TIGAR: variants seen among roughly 807,000 people sequenced by gnomAD.
TIGAR encodes the protein TP53 induced glycolysis regulatory phosphatase.
In TIGAR, 7 loss-of-function variants were observed where a neutral mutation model predicts 17.9. The ratio of observed to expected loss-of-function variants is 0.39; its 90% CI spans 0.22 to 0.73. TIGAR has a LOEUF of 0.73. Among genes scored for constraint, TIGAR ranks in the 30% least tolerant of loss-of-function variants. The pLI, the probability that TIGAR is intolerant of heterozygous loss-of-function variation, is 0.42. For missense variants in TIGAR, 258 were observed against 327.4 expected (o/e 0.79, Z 1.64); for synonymous variants, 94 against 108.6 (o/e 0.87, Z 0.84).
At chr12:4,330,122 G>A (rs1864588730) in intron 1 of TIGAR, among the ~76,000 whole-genome samples, 1 of 152,116 alleles carries the variant, frequency 6.6e-6, no homozygotes, top group African/African-American at 2.4e-5. Context: ...CCAGGATGAG[G>A]CCTGAGTTTG....
chr12:4,323,674 AC>A (rs1372989937), intron 1 of TIGAR, among the ~76,000 whole-genome samples: 1 of 152,082 alleles, frequency 6.6e-6, no homozygotes, highest in Non-Finnish European at 1.5e-5. Context: ...ATTTGTTAAA[AC>A]CCGGTATTTG....
At chr12:4,326,857 GT>G (rs556951953) in intron 1 of TIGAR, among the ~76,000 whole-genome samples, 1 of 152,194 alleles carries the variant, frequency 6.6e-6, no homozygotes, top group East Asian at 1.9e-4. Flanking sequence ...TAAATTCTGA[GT>G]TTTTTTGGTG....
At chr12:4,325,023 A>G (rs1027882519) in intron 1 of TIGAR, among the ~76,000 whole-genome samples, 7 of 149,470 alleles carry the variant, frequency 4.7e-5, no homozygotes, top group African/African-American at 1.7e-4. Flanking sequence ...GCTCGCCACA[A>G]CCTCCGCCTC....
rs1864904975 is a variant in TIGAR at position 4,356,577 on chromosome 12, G to T, written c.*3886G>T. On this transcript the variant is annotated 3_prime_UTR_variant, in exon 6 of 6. Coordinates refer to ENST00000179259, the MANE Select transcript of TIGAR (RefSeq NM_020375.3). ...ACCATCGGTGAGCCCACATTACACTGACATATCCACATCACCTGAAACCCA... is the reference window on the plus strand; with the variant it reads ...ACCATCGGTGAGCCCACATTACACTTACATATCCACATCACCTGAAACCCA... 6.6e-6 allele frequency among the ~76,000 whole-genome samples: 1 copy of T among 151,984 alleles called. No homozygotes were observed. The highest frequency in any genetic ancestry group is 1.5e-5 in the Non-Finnish European group (1 of 68,000).
rs772175412 is a variant in TIGAR at position 4,337,173 on chromosome 12, A to T, written c.192+13A>T. On this transcript the variant is annotated intron_variant, in intron 3 of 5. Transcript: ENST00000179259. ...GAGGACAAAGCAGGTACATTTATTT[A>T]TTTATTTATTTTGAGACAGAGCGTC... The T allele has an allele frequency of 1.3e-6, 2 of 1,591,844 alleles. No individual in the cohort carries two copies. The highest frequency in any genetic ancestry group is 1.7e-5 in the Admixed American group (1 of 59,288).
chr12:4,324,100 T>G (rs536381992), intron 1 of TIGAR, among the ~76,000 whole-genome samples: 3 of 152,344 alleles, frequency 2.0e-5, no homozygotes, highest in African/African-American at 7.2e-5. Flanking sequence ...AAAGTACCAG[T>G]GTGTATCATT....
intron 1 of TIGAR, among the ~76,000 whole-genome samples, chr12:4,328,412 G>A (rs759089642): frequency 7.9e-4 from 119 of 151,310 alleles, no homozygotes; most frequent in Non-Finnish European, 1.5e-3. Context: ...GGATGGTCTC[G>A]GACTCCTGAC....
Position 4,357,973 on chromosome 12 carries a change from C to T in TIGAR, c.*5282C>T, listed in dbSNP as rs139336156. ...GAAAAAATTAGCCAGGCCTGGTGGC[C>T]GGCGCCTGTAGTCCCAGCTACTTGG... is the stretch of plus-strand genomic sequence containing the variant. On this transcript the variant is annotated 3_prime_UTR_variant, in exon 6 of 6. Coordinates refer to ENST00000179259, the MANE Select transcript of TIGAR (RefSeq NM_020375.3). 0.11 allele frequency among the ~76,000 whole-genome samples: 15,998 copies of T among 151,694 alleles called. 1,088 individuals are homozygous for T. The highest frequency in any genetic ancestry group is 0.19 in the East Asian group (992 of 5,138).
intron 1 of TIGAR, 104 bp from the exon 2 acceptor site, chr12:4,331,176 C>G: frequency 1.0e-6 from 1 of 977,442 alleles, no homozygotes; most frequent in African/African-American, 1.6e-5. Context: ...ACAAGTTTCA[C>G]ATGATATTTT....
intron 2 of TIGAR, among the ~76,000 whole-genome samples, chr12:4,336,556 G>A (rs4765776): frequency 0.16 from 23,637 of 151,132 alleles, 2,694 homozygotes; most frequent in East Asian, 0.53. Flanking sequence ...CCAGCCAACC[G>A]TTATCCTGGA....
In TIGAR at chr12:4,352,712, C is replaced by CT. The variant is rs756134685; in HGVS notation, c.*22dup. ...GCTAAGGTTAAATCTGCATCAAAAT[C>CT]TAACCATTTTGAGCCTCTGAAGGGA... is the stretch of plus-strand genomic sequence containing the variant. On this transcript the variant is annotated 3_prime_UTR_variant, in exon 6 of 6. Coordinates refer to ENST00000179259, the MANE Select transcript of TIGAR (RefSeq NM_020375.3). 11 of 1,585,134 alleles carry CT rather than the reference C, an allele frequency of 6.9e-6. No homozygotes were observed. In the South Asian group the frequency reaches 1.2e-4, roughly 18 times the overall value.
intron 4 of TIGAR, 26 bp downstream of exon 4, chr12:4,349,922 C>G: frequency 6.7e-7 from 1 of 1,481,538 alleles, no homozygotes; most frequent in Non-Finnish European, 9.1e-7. Flanking sequence ...ACATATTGTT[C>G]TTCCCCATAA....
chr12:4,341,881 A>T (rs1330131716), intron 3 of TIGAR, among the ~76,000 whole-genome samples: 1 of 152,262 alleles, frequency 6.6e-6, no homozygotes, highest in Admixed American at 6.5e-5. Flanking sequence ...ACAAAGCTGG[A>T]CGGAGAATGA....
At chr12:4,331,468 G>T (rs1164324026) in intron 2 of TIGAR, 151 bp downstream of exon 2, 3 of 735,748 alleles carry the variant, frequency 4.1e-6, no homozygotes, top group Non-Finnish European at 7.0e-6. Flanking sequence ...ACAGAAATAT[G>T]ATCAGGGCTG....
chr12:4,327,749 C>T (rs1412652444), intron 1 of TIGAR, among the ~76,000 whole-genome samples: 1 of 152,146 alleles, frequency 6.6e-6, no homozygotes, highest in African/African-American at 2.4e-5. Flanking sequence ...CTCACTGCAG[C>T]CTCCGCCTCC....
intron 3 of TIGAR, among the ~76,000 whole-genome samples, chr12:4,347,908 G>A (rs1415506213): frequency 6.6e-5 from 10 of 152,160 alleles, no homozygotes; most frequent in Non-Finnish European, 1.3e-4. Context: ...GGCCGAAGCG[G>A]GAAGATCACT....
intron 1 of TIGAR, among the ~76,000 whole-genome samples, chr12:4,328,838 G>T (rs1360084889): frequency 6.6e-6 from 1 of 152,152 alleles, no homozygotes; most frequent in East Asian, 1.9e-4. Flanking sequence ...GCCTCCCAAA[G>T]TGCTGGGATT....
chr12:4,327,372 G>A (rs959084010), intron 1 of TIGAR, among the ~76,000 whole-genome samples: 1 of 149,358 alleles, frequency 6.7e-6, no homozygotes, highest in African/African-American at 2.5e-5. Context: ...TCACACCACT[G>A]CACTCCAGCC....
chr12:4,338,592 A>T (rs1360414534), intron 3 of TIGAR, among the ~76,000 whole-genome samples: 1 of 152,222 alleles, frequency 6.6e-6, no homozygotes, highest in Non-Finnish European at 1.5e-5. Context: ...AACAAATGAT[A>T]ATGGAAACAC....
Sources: gnomAD v4.1 joint callset for allele counts (sites outside exome capture counted in the v4.1 genomes callset) on GRCh38, gnomAD v4.1.1 for gene constraint, MANE v1.5 for transcripts, NCBI Gene and HGNC (gene_info 2026-07-23, HGNC 2026-07-21) for gene names.